Variants in VAV2 observed in about 807,000 individuals in gnomAD.
VAV2 encodes the protein vav guanine nucleotide exchange factor 2.
A neutral mutation model predicts 132.5 loss-of-function variants in VAV2; 67 were observed. The ratio of observed to expected loss-of-function variants is 0.51; its 90% confidence interval spans 0.42 to 0.62. The LOEUF (loss-of-function observed/expected upper bound fraction) is 0.62. Among genes scored for constraint, VAV2 ranks in the 20% least tolerant of loss-of-function variants. VAV2 has a pLI of 0.00. For synonymous variants in VAV2, 492 were observed against 443.5 expected (o/e 1.11, Z -1.37); for missense variants, 938 against 1,153.6 (o/e 0.81, Z 2.71).
Position 133,834,959 on chromosome 9 carries a change from G to A in VAV2, c.381-619C>T, listed in dbSNP as rs1178443716. On this transcript the variant is annotated intron_variant, in intron 3 of 29. Transcript: ENST00000371850. This position sits in a 1 kb window ranked among gnomAD's most constrained non-coding sequence, Gnocchi z 5.9. The stretch of plus-strand genomic sequence containing the variant: ...CCTACAAAGGGAGCAGAAGCCCCAT[G>A]GGGTCTCCCCAGAAGGAACGCGGCG... Among the ~76,000 whole-genome samples the A allele has an allele frequency of 6.6e-6, 1 of 152,150 alleles. No homozygotes were observed. The highest frequency in any genetic ancestry group is 1.9e-4 in the East Asian group (1 of 5,174).
rs12004946 is a variant in VAV2, at chr9:133,807,179, G to A, written c.735+79C>T. 9.5e-3 allele frequency: 14,308 copies of A among 1,501,756 alleles called. 1,184 individuals carry two copies. The African/African-American group carries it at 0.18, about 18-fold the overall frequency. The allele number at this position is 1,501,756 out of a possible 1,614,324, so 93.0% of individuals were successfully genotyped here. A position where few individuals can be genotyped will look rare whatever the true frequency, so the allele number is the denominator to read the frequency against. On this transcript the variant is annotated intron_variant, in intron 8 of 29. Coordinates refer to ENST00000371850, the MANE Select transcript of VAV2 (RefSeq NM_001134398.2). ...CAGGGGTGCAGCTCTCCAAGGCCCT[G>A]AGGACAGCAGGACATGTGTGGCCAG...
rs764890175 is a variant in VAV2, at chr9:133,795,733, G to A, written c.1036C>T (p.Leu346Phe). 6.2e-7 allele frequency: 1 copy of A among 1,613,900 alleles called. No homozygotes were observed. The highest frequency in any genetic ancestry group is 1.3e-5 in the African/African-American group (1 of 75,066). The change falls in exon 12 of 30, where the codon CTT (leucine) becomes TTT (phenylalanine). Residue 346 changes from leucine (L) to phenylalanine (F), a missense_variant. Leu to Phe is a conservative substitution (Grantham distance 22, BLOSUM62 0). Coordinates refer to ENST00000371850, the MANE Select transcript of VAV2 (RefSeq NM_001134398.2). ...VLKYHLLLKELLSHSAERPER... is the reference protein window; with the variant it reads ...VLKYHLLLKEFLSHSAERPER... The stretch of plus-strand genomic sequence containing the variant: ...GGCCGTTCCGCAGAATGGCTCAGAA[G>A]CTCCTGGAAGGGTGAGAAGAGTGTC...
rs530027282 is a variant in VAV2, at chr9:133,969,116, C to T, written c.204+22959G>A. Among the ~76,000 whole-genome samples, 3 of 152,022 alleles carry T rather than the reference C, an allele frequency of 2.0e-5. No homozygotes were observed. Among genetic ancestry groups the T allele is most frequent in the Non-Finnish European group, 4.4e-5 (3 of 67,970 alleles). On this transcript the variant is annotated intron_variant, in intron 1 of 29. Coordinates refer to ENST00000371850, the MANE Select transcript of VAV2 (RefSeq NM_001134398.2). The surrounding 1 kb of genome is among the most constrained non-coding windows in gnomAD (Gnocchi z 5.1). ...GTTGCCTGAGATGAATCCCACATGC[C>T]GGGATTCACACTTCCCCCGAGAGCT...
intron 1 of VAV2, among the ~76,000 whole-genome samples, chr9:133,958,846 G>C (rs1841876115): frequency 6.6e-6 from 1 of 152,170 alleles, no homozygotes; most frequent in Non-Finnish European, 1.5e-5. Context: ...GTCCTACTTT[G>C]TGCCAGGCTC....
Position 133,790,468 on chromosome 9 carries a change from G to A in VAV2, c.1189-1125C>T, listed in dbSNP as rs115328897. ...CTGGGATTACAGGCATGACCACCGCGCCCAGCCTGTTCTTGCTGTTTAATG... is the reference window on the plus strand; with the variant it reads ...CTGGGATTACAGGCATGACCACCGCACCCAGCCTGTTCTTGCTGTTTAATG... On this transcript the variant is annotated intron_variant, in intron 13 of 29. Transcript: ENST00000371850. Among the ~76,000 whole-genome samples the A allele has an allele frequency of 3.7e-3, 563 of 152,198 alleles. 5 individuals carry two copies. The highest frequency in any genetic ancestry group is 0.013 in the African/African-American group (525 of 41,510).
chr9:133,889,713 A>G (rs1435921847), intron 2 of VAV2, among the ~76,000 whole-genome samples: 1 of 151,970 alleles, frequency 6.6e-6, no homozygotes, highest in Non-Finnish European at 1.5e-5. Context: ...AGGGCACCCA[A>G]CGAGGCTCGG....
intron 1 of VAV2, among the ~76,000 whole-genome samples, chr9:133,952,176 CA>C (rs1404130656): frequency 6.6e-6 from 1 of 151,992 alleles, no homozygotes; most frequent in Non-Finnish European, 1.5e-5. Flanking sequence ...TGGGGAGACA[CA>C]AACATTCAGT....
At chr9:133,819,082 C>T (rs140023297) in intron 4 of VAV2, among the ~76,000 whole-genome samples, 3 of 151,822 alleles carry the variant, frequency 2.0e-5, no homozygotes, top group East Asian at 3.9e-4. Flanking sequence ...TCCATGACTA[C>T]GAGGAACATT....
At chr9:133,793,112 G>C (rs1328478371) in intron 12 of VAV2, among the ~76,000 whole-genome samples, 1 of 151,834 alleles carries the variant, frequency 6.6e-6, no homozygotes, top group African/African-American at 2.4e-5. Flanking sequence ...CTCTCTCCAC[G>C]GGTCTGGCCA....
intron 4 of VAV2, among the ~76,000 whole-genome samples, chr9:133,814,325 C>A (rs1564372310): frequency 6.6e-6 from 1 of 152,256 alleles, no homozygotes; most frequent in Non-Finnish European, 1.5e-5. Flanking sequence ...GCCCGCCAGG[C>A]TACCAGGGAT....
At chr9:133,871,074 G>A (rs1838015720) in intron 2 of VAV2, among the ~76,000 whole-genome samples, 1 of 150,446 alleles carries the variant, frequency 6.6e-6, no homozygotes, top group African/African-American at 2.4e-5. Flanking sequence ...GTGAATGGGT[G>A]GATAAATGCG....
chr9:133,977,976 C>A (rs1393771518), intron 1 of VAV2, among the ~76,000 whole-genome samples: 1 of 103,232 alleles, frequency 9.7e-6, no homozygotes, highest in Non-Finnish European at 1.9e-5. Context: ...TACGTGTATG[C>A]GTCCACCTGC....
At chr9:133,803,961 G>A (rs1310500905) in intron 9 of VAV2, among the ~76,000 whole-genome samples, 4 of 151,996 alleles carry the variant, frequency 2.6e-5, no homozygotes, top group African/African-American at 7.3e-5. Flanking sequence ...AGGGGGACAC[G>A]TCCTCCGCTG....
chr9:133,853,628 T>C (rs892813574), intron 3 of VAV2, among the ~76,000 whole-genome samples: 5 of 151,974 alleles, frequency 3.3e-5, no homozygotes, highest in African/African-American at 1.2e-4. Context: ...CCGCCCCCCT[T>C]TGCTGCACCA....
chr9:133,810,755 G>C (rs1245986308), intron 5 of VAV2, among the ~76,000 whole-genome samples: 5 of 152,112 alleles, frequency 3.3e-5, no homozygotes, highest in Admixed American at 6.5e-5. Context: ...TCAGAACCAG[G>C]GACAGCAGCG....
At chr9:133,962,945 C>T (rs1471417805) in intron 1 of VAV2, among the ~76,000 whole-genome samples, 3 of 152,180 alleles carry the variant, frequency 2.0e-5, no homozygotes, top group Non-Finnish European at 4.4e-5. Flanking sequence ...TTTTCCAGAG[C>T]AAATTTTGCA....
At chr9:133,866,921 C>T (rs146327122) in intron 2 of VAV2, among the ~76,000 whole-genome samples, 7 of 152,144 alleles carry the variant, frequency 4.6e-5, no homozygotes, top group Middle Eastern at 3.4e-3. Context: ...GACATGGAAG[C>T]GGGAACTCCG....
Position 133,793,468 on chromosome 9 carries a change from GT to G in VAV2, c.1102-1600del, listed in dbSNP as rs1834582128. Among the ~76,000 whole-genome samples, 4 of 152,148 alleles carry G rather than the reference GT, an allele frequency of 2.6e-5. No individual in the cohort carries two copies. The South Asian group carries it at 8.3e-4, about 32-fold the overall frequency. ...CTGCAGCACGCTGTCTGAAAGGGGT[GT>G]TCCGTTTTCTTGTCGTTGTCCACTT... is the stretch of plus-strand genomic sequence containing the variant. On this transcript the variant is annotated intron_variant, in intron 12 of 29. Transcript: ENST00000371850.
At chr9:133,925,310 G>A (rs566587636) in intron 2 of VAV2, among the ~76,000 whole-genome samples, 1 of 152,114 alleles carries the variant, frequency 6.6e-6, no homozygotes, top group African/African-American at 2.4e-5. Flanking sequence ...TCCGCCTCCC[G>A]GGCTCAAGCA....
Sources: allele counts gnomAD v4.1 joint callset (sites outside exome capture counted in the v4.1 genomes callset), GRCh38; gene constraint gnomAD v4.1.1; non-coding constraint Gnocchi (gnomAD v3.1); transcripts MANE v1.5; gene names NCBI Gene and HGNC (gene_info 2026-07-23, HGNC 2026-07-21).